The following ITGAM variants were observed in gnomAD, a reference collection of about 807,000 sequenced individuals.
ITGAM encodes integrin subunit alpha M.
In ITGAM, 79 loss-of-function variants were observed where a neutral mutation model predicts 137.5. The ratio of observed to expected loss-of-function variants is 0.57; its 90% CI spans 0.48 to 0.69. ITGAM has a LOEUF of 0.69. ITGAM is among the 30% of genes least tolerant of loss of function. ITGAM has a pLI of 0.00. For missense variants in ITGAM, 1,343 were observed against 1,483.5 expected (o/e 0.91, Z 1.56); for synonymous variants, 583 against 592.3 (o/e 0.98, Z 0.23).
chr16:31,268,227 GTTC>G (rs1174343622), intron 5 of ITGAM, among the ~76,000 whole-genome samples: 1 of 152,142 alleles, frequency 6.6e-6, no homozygotes, highest in African/African-American at 2.4e-5. Context: ...TCACCCACGT[GTTC>G]TTCTTTCCTG....
Position 31,331,672 on chromosome 16 carries a change from A to C in ITGAM, c.3424A>C (p.Ser1142Arg), listed in dbSNP as rs1247244115. Reference sequence around the variant, plus strand: ...CAAGCGGCAATACAAGGACATGATGAGTGAAGGGGGTCCCCCGGGGGCCGA... The same window carrying C: ...CAAGCGGCAATACAAGGACATGATGCGTGAAGGGGGTCCCCCGGGGGCCGA... ...FFKRQYKDMM[S>R]EGGPPGAEPQ Residue 1142 changes from serine (S) to arginine (R), a missense_variant, in exon 30 of 30, where the codon AGT (serine) becomes CGT (arginine). Coordinates refer to ENST00000544665, the MANE Select transcript of ITGAM (RefSeq NM_000632.4). The C allele has an allele frequency of 6.2e-7, 1 of 1,609,962 alleles. No individual in the cohort carries two copies. Among genetic ancestry groups the C allele is most frequent in the Non-Finnish European group, 8.5e-7 (1 of 1,178,504 alleles).
intron 14 of ITGAM, among the ~76,000 whole-genome samples, chr16:31,319,995 A>G (rs910758495): frequency 3.3e-5 from 5 of 151,764 alleles, no homozygotes; most frequent in Admixed American, 6.6e-5. Context: ...TGTATTTTTA[A>G]TAGAGATGGG....
chr16:31,297,719 G>T (rs1303863423), intron 13 of ITGAM, 26 bp from the exon 14 acceptor site: 3 of 1,592,950 alleles, frequency 1.9e-6, no homozygotes, highest in South Asian at 2.2e-5. Flanking sequence ...CCTGGGTTGG[G>T]GCCTGATACT....
intron 12 of ITGAM, among the ~76,000 whole-genome samples, chr16:31,284,811 G>A (rs186117854): frequency 1.6e-4 from 25 of 152,188 alleles, no homozygotes; most frequent in African/African-American, 4.8e-4. Context: ...ACTCACGCTG[G>A]GAGCTGTAGA....
At chr16:31,285,802 C>CTT (rs909613572) in intron 12 of ITGAM, among the ~76,000 whole-genome samples, 3 of 143,668 alleles carry the variant, frequency 2.1e-5, no homozygotes, top group Non-Finnish European at 3.1e-5. Context: ...TTTTCTCTCT[C>CTT]TTTTTTTTTT....
At chr16:31,304,367 C>T (rs2080245520) in intron 14 of ITGAM, among the ~76,000 whole-genome samples, 1 of 152,008 alleles carries the variant, frequency 6.6e-6, no homozygotes, top group African/African-American at 2.4e-5. Context: ...GGATAGTAGT[C>T]CTTTGTCAGA....
intron 2 of ITGAM, among the ~76,000 whole-genome samples, chr16:31,264,226 C>T (rs1217622769): frequency 1.3e-5 from 2 of 151,902 alleles, no homozygotes; most frequent in Non-Finnish European, 2.9e-5. Flanking sequence ...CTGGGCTGGT[C>T]GCTGGAAGCC....
rs7498170 is a variant in ITGAM, at chr16:31,331,855, A to G, written c.*148A>G. 2 of 503,076 alleles carry G rather than the reference A, an allele frequency of 4.0e-6. No individual in the cohort carries two copies. Among genetic ancestry groups the G allele is most frequent in the East Asian group, 4.2e-5 (1 of 23,696 alleles). 31.2% of individuals were successfully genotyped at this position (503,076 alleles called of 1,614,324 possible). On this transcript the variant is annotated 3_prime_UTR_variant, in exon 30 of 30. Transcript: ENST00000544665. The stretch of plus-strand genomic sequence containing the variant: ...TCCATTTGTGTGTGTGCAAGTGTGT[A>G]TGTGCGTGTGTGCAAGTGTCTGTGT...
intron 14 of ITGAM, among the ~76,000 whole-genome samples, chr16:31,299,668 A>G (rs1290720476): frequency 6.6e-6 from 1 of 152,088 alleles, no homozygotes; most frequent in Non-Finnish European, 1.5e-5. Context: ...TCCTTTGGTG[A>G]CTGGCTTATT....
At chr16:31,311,117 G>T (rs979605385) in intron 14 of ITGAM, among the ~76,000 whole-genome samples, 3 of 152,048 alleles carry the variant, frequency 2.0e-5, no homozygotes, top group East Asian at 1.9e-4. Context: ...TCCTTACACC[G>T]TATACAAAAA....
intron 12 of ITGAM, among the ~76,000 whole-genome samples, chr16:31,291,108 C>A (rs934517809): frequency 6.6e-6 from 1 of 152,060 alleles, no homozygotes; most frequent in Non-Finnish European, 1.5e-5. Flanking sequence ...GTCATGGATT[C>A]GAATATTATA....
intron 16 of ITGAM, 40 bp downstream of exon 16, chr16:31,321,667 G>A (rs1256800509): frequency 6.9e-6 from 11 of 1,596,492 alleles, no homozygotes; most frequent in Admixed American, 1.7e-5. Context: ...TTAAACGACC[G>A]AGGACATGAA....
At chr16:31,302,079 G>C (rs2080202424) in intron 14 of ITGAM, among the ~76,000 whole-genome samples, 1 of 152,232 alleles carries the variant, frequency 6.6e-6, no homozygotes, top group East Asian at 1.9e-4. Flanking sequence ...CATGCTCATG[G>C]TTCTTTCAAA....
chr16:31,269,678 C>A (rs886113443), intron 5 of ITGAM, among the ~76,000 whole-genome samples: 2 of 152,148 alleles, frequency 1.3e-5, no homozygotes, highest in Non-Finnish European at 2.9e-5. Context: ...CAGGGACTTT[C>A]CAAGCCCTGG....
intron 12 of ITGAM, among the ~76,000 whole-genome samples, chr16:31,280,122 C>T (rs2079952110): frequency 6.6e-6 from 1 of 152,134 alleles, no homozygotes; most frequent in South Asian, 2.1e-4. Context: ...CAGTACCATG[C>T]TGTTTTGGTT....
At chr16:31,270,725 ATATATATATAT>A (rs1567248818) in intron 5 of ITGAM, among the ~76,000 whole-genome samples, 1 of 108,554 alleles carries the variant, frequency 9.2e-6, no homozygotes, top group African/African-American at 4.0e-5. Context: ...ATATATATAT[ATATATATATAT>A]ATATATATGT....
intron 12 of ITGAM, among the ~76,000 whole-genome samples, chr16:31,281,583 T>C (rs371401856): frequency 1.3e-5 from 2 of 152,352 alleles, no homozygotes; most frequent in South Asian, 4.1e-4. Context: ...TCTCATTTTG[T>C]ATTGCGTCTA....
rs958933257 is a variant in ITGAM at position 31,331,682 on chromosome 16, G to T, written c.3434G>T (p.Gly1145Val). Residue 1145 changes from glycine (G) to valine (V), a missense_variant, in exon 30 of 30, where the codon GGT (glycine) becomes GTT (valine). Physicochemically the swap from Gly to Val is moderately radical, Grantham distance 109. Transcript: ENST00000544665. ...RQYKDMMSEG[G>V]PPGAEPQ Reference sequence around the variant, plus strand: ...TACAAGGACATGATGAGTGAAGGGGGTCCCCCGGGGGCCGAACCCCAGTAG... The same window carrying T: ...TACAAGGACATGATGAGTGAAGGGGTTCCCCCGGGGGCCGAACCCCAGTAG... 5 of 1,609,132 alleles carry T rather than the reference G, an allele frequency of 3.1e-6. No individual in the cohort carries two copies. The African/African-American group carries it at 6.7e-5, about 22-fold the overall frequency.
chr16:31,299,151 T>C (rs2080169171), intron 14 of ITGAM, among the ~76,000 whole-genome samples: 1 of 152,196 alleles, frequency 6.6e-6, no homozygotes, highest in Non-Finnish European at 1.5e-5. Flanking sequence ...AAATGTACAA[T>C]GTAATACTGT....
Sources: allele counts gnomAD v4.1 joint callset (sites outside exome capture counted in the v4.1 genomes callset), GRCh38; gene constraint gnomAD v4.1.1; transcripts MANE v1.5; gene names NCBI Gene and HGNC (gene_info 2026-07-23, HGNC 2026-07-21).